HECW2: variants seen among roughly 807,000 people sequenced by gnomAD.
HECW2 encodes the protein HECT, C2 and WW domain containing E3 ubiquitin protein ligase 2.
A neutral mutation model predicts 175.2 loss-of-function variants in HECW2; 61 were observed. That is an observed-to-expected ratio of 0.35 (90% CI 0.28 to 0.43). The LOEUF (loss-of-function observed/expected upper bound fraction) is 0.43. HECW2 is among the 20% of genes least tolerant of loss of function. HECW2 has a pLI of 1.00. For missense variants in HECW2, 1,524 were observed against 2,000.5 expected (o/e 0.76, Z 4.54); for synonymous variants, 671 against 731.0 (o/e 0.92, Z 1.32).
intron 4 of HECW2, chr2:196,331,373 A>G: frequency 1.5e-6 from 1 of 658,598 alleles, no homozygotes; most frequent in South Asian, 6.8e-5. Flanking sequence ...TTCACCACAC[A>G]CTACGCTGGA....
In HECW2 at chr2:196,220,813, T is replaced by C; in HGVS notation, c.4275A>G (p.Leu1425=). The C allele has an allele frequency of 6.2e-7, 1 of 1,614,192 alleles. No individual in the cohort carries two copies. Among genetic ancestry groups the C allele is most frequent in the South Asian group, 1.1e-5 (1 of 91,090 alleles). The change falls in exon 25 of 29, where the codon TTA becomes TTG. Residue 1425 remains leucine (L), a synonymous_variant. Coordinates refer to ENST00000644978, the MANE Select transcript of HECW2 (RefSeq NM_001348768.2). ...ERGVVQQTES[L]VRGFYEVVDA... is the part of the protein sequence containing the mutation. ...TCTTTACCTCATAGAAGCCACGCAC[T>C]AAGCTCTCTGTTTGCTGTACAACAC...
rs371576996 is a variant in HECW2 at position 196,386,454 on chromosome 2, A to C, written c.293-42690T>G. Among the ~76,000 whole-genome samples the C allele has an allele frequency of 1.6e-4, 25 of 152,340 alleles. No individual in the cohort carries two copies. The East Asian group carries it at 3.9e-3, about 23-fold the overall frequency. ...ATGAGGGAGCTTGCTAACATGCTTGAGAAGCAGCAAAGAGATAAAAGGAGT... is the reference window on the plus strand; with the variant it reads ...ATGAGGGAGCTTGCTAACATGCTTGCGAAGCAGCAAAGAGATAAAAGGAGT... On this transcript the variant is annotated intron_variant, in intron 2 of 28. Transcript: ENST00000644978.
At position 196,228,082 on chromosome 2, in the gene HECW2, G is replaced by A. The variant is rs1687919420; in HGVS notation, c.3917+20C>T. ...CATAGGAAATCGCCTGAAGAAAAGTGTTGGGGAAAAAATACTTACCATTCA... is the reference window on the plus strand; with the variant it reads ...CATAGGAAATCGCCTGAAGAAAAGTATTGGGGAAAAAATACTTACCATTCA... On this transcript the variant is annotated intron_variant, in intron 22 of 28. Coordinates refer to ENST00000644978, the MANE Select transcript of HECW2 (RefSeq NM_001348768.2). The A allele has an allele frequency of 6.6e-7, 1 of 1,508,808 alleles. No homozygotes were observed. Among genetic ancestry groups the A allele is most frequent in the Non-Finnish European group, 8.9e-7 (1 of 1,126,054 alleles). 93.5% of individuals were successfully genotyped at this position (1,508,808 alleles called of 1,614,324 possible).
intron 19 of HECW2, among the ~76,000 whole-genome samples, chr2:196,249,880 T>C (rs1309379730): frequency 6.6e-6 from 1 of 152,298 alleles, no homozygotes; most frequent in Admixed American, 6.5e-5. Flanking sequence ...CTGCTAGCAA[T>C]TTAGATATAT....
intron 1 of HECW2, among the ~76,000 whole-genome samples, chr2:196,480,408 C>A (rs1186772812): frequency 6.6e-6 from 1 of 152,202 alleles, no homozygotes; most frequent in Non-Finnish European, 1.5e-5. Context: ...CCCTTTCCCC[C>A]CAACTCTCAG....
At chr2:196,465,182 A>G (rs1230219502) in intron 1 of HECW2, among the ~76,000 whole-genome samples, 2 of 152,216 alleles carry the variant, frequency 1.3e-5, no homozygotes, top group Non-Finnish European at 2.9e-5. Context: ...CTAACAAATT[A>G]AAGTATTTGG....
intron 1 of HECW2, among the ~76,000 whole-genome samples, chr2:196,521,065 T>A (rs1023316845): frequency 5.9e-5 from 9 of 152,088 alleles, no homozygotes; most frequent in Non-Finnish European, 1.0e-4. Context: ...ATTATTTCAT[T>A]TCATCTTCAC....
At position 196,312,656 on chromosome 2, in the gene HECW2, T is replaced by C. The variant is rs377390483; in HGVS notation, c.2435-4571A>G. Among the ~76,000 whole-genome samples, 26 of 152,296 alleles carry C rather than the reference T, an allele frequency of 1.7e-4. No individual in the cohort carries two copies. The East Asian group carries it at 4.6e-3, about 27-fold the overall frequency. ...AGAATGCTGATGGCGTGGCCTGCCA[T>C]GTATGTTTAGTAGAAAGAATTCGGG... is the stretch of plus-strand genomic sequence containing the variant. On this transcript the variant is annotated intron_variant, in intron 10 of 28. Transcript: ENST00000644978.
intron 1 of HECW2, among the ~76,000 whole-genome samples, chr2:196,543,620 T>G (rs534402054): frequency 6.6e-6 from 1 of 152,278 alleles, no homozygotes; most frequent in East Asian, 1.9e-4. Context: ...TTTTTATTTT[T>G]TTTTTCTTTT....
intron 2 of HECW2, among the ~76,000 whole-genome samples, chr2:196,374,407 C>T (rs13408463): frequency 0.19 from 29,102 of 152,020 alleles, 4,224 homozygotes; most frequent in African/African-American, 0.4. Context: ...AAACCTAAGT[C>T]CTTCATATTT....
intron 1 of HECW2, among the ~76,000 whole-genome samples, chr2:196,522,782 T>G (rs1229336997): frequency 1.3e-5 from 2 of 151,320 alleles, no homozygotes; most frequent in Non-Finnish European, 3.0e-5. Flanking sequence ...AAAGATCAGA[T>G]AGTTGTAGAT....
chr2:196,415,903 G>T (rs1695243282), intron 2 of HECW2, among the ~76,000 whole-genome samples: 1 of 152,090 alleles, frequency 6.6e-6, no homozygotes. Context: ...ATTAACAAAA[G>T]GTTTAGTAAT....
intron 2 of HECW2, among the ~76,000 whole-genome samples, chr2:196,416,553 G>A (rs1272083545): frequency 6.6e-6 from 1 of 152,130 alleles, no homozygotes; most frequent in African/African-American, 2.4e-5. Flanking sequence ...TTCATGTTCA[G>A]TGGGAGGCCC....
chr2:196,261,419 C>T (rs943401798), intron 17 of HECW2, among the ~76,000 whole-genome samples: 1 of 152,136 alleles, frequency 6.6e-6, no homozygotes, highest in Admixed American at 6.5e-5. Context: ...ATGTTTTATC[C>T]TTCAGTATTG....
chr2:196,464,083 C>T (rs1696852158), intron 1 of HECW2, among the ~76,000 whole-genome samples: 1 of 150,304 alleles, frequency 6.7e-6, no homozygotes, highest in Non-Finnish European at 1.5e-5. Context: ...AATAGGAATA[C>T]ATTAAAATTG....
At chr2:196,239,165 G>C (rs938839912) in intron 21 of HECW2, 1 of 152,224 alleles carries the variant, frequency 6.6e-6, no homozygotes, top group Admixed American at 6.5e-5. Flanking sequence ...GAAAGGCTCA[G>C]ATCTCATGCA....
At chr2:196,482,637 G>A (rs535933368) in intron 1 of HECW2, among the ~76,000 whole-genome samples, 1 of 152,320 alleles carries the variant, frequency 6.6e-6, no homozygotes, top group African/African-American at 2.4e-5. Context: ...GGAGAGACAA[G>A]GGTACCAGGG....
intron 1 of HECW2, among the ~76,000 whole-genome samples, chr2:196,503,646 G>A (rs542958292): frequency 3.9e-5 from 6 of 152,122 alleles, no homozygotes; most frequent in Non-Finnish European, 7.4e-5. Context: ...AGGGAGTGGT[G>A]TCTCCCCGTA....
chr2:196,272,818 A>G (rs555974226), intron 16 of HECW2, among the ~76,000 whole-genome samples: 3 of 152,266 alleles, frequency 2.0e-5, no homozygotes, highest in African/African-American at 4.8e-5. Flanking sequence ...CAGAGCCCAC[A>G]TAACTGTCTA....
Sources: allele counts gnomAD v4.1 joint callset (sites outside exome capture counted in the v4.1 genomes callset), GRCh38; gene constraint gnomAD v4.1.1; transcripts MANE v1.5; gene names NCBI Gene and HGNC (gene_info 2026-07-23, HGNC 2026-07-21).